Variants in SHROOM4 observed in about 807,000 individuals in gnomAD.
The protein encoded by SHROOM4 is protein Shroom4.
Under a neutral mutation model 80.3 loss-of-function variants are expected in SHROOM4, and 17 were observed. The ratio of observed to expected loss-of-function variants is 0.21; its 90% confidence interval spans 0.14 to 0.32. SHROOM4 has a LOEUF of 0.32. Ranked by LOEUF, SHROOM4 falls within the 10% of genes least tolerant of loss-of-function variation. The pLI, the probability that SHROOM4 is intolerant of heterozygous loss-of-function variation, is 1.00. For synonymous variants in SHROOM4, 400 were observed against 437.5 expected (o/e 0.91, Z 1.07); for missense variants, 993 against 1,140.3 (o/e 0.87, Z 1.86).
chrX:50,631,410 C>CA (rs1194550009), intron 4 of SHROOM4, among the ~76,000 whole-genome samples: 3 of 111,428 alleles, frequency 2.7e-5, no homozygotes, highest in Non-Finnish European at 3.8e-5. Flanking sequence ...AGGGCACCTA[C>CA]AAAAAAATCC....
At chrX:50,731,274 C>A (rs1357301800) in intron 1 of SHROOM4, among the ~76,000 whole-genome samples, 1 of 110,420 alleles carries the variant, frequency 9.1e-6, no homozygotes, top group Non-Finnish European at 1.9e-5. Context: ...AAACTGCCCC[C>A]TCTATCCCCT....
chrX:50,740,876 C>T (rs1277143064), intron 1 of SHROOM4, among the ~76,000 whole-genome samples: 1 of 111,673 alleles, frequency 9.0e-6, no homozygotes, highest in African/African-American at 3.3e-5. Context: ...AAAAGTGTTA[C>T]CCAGACCAGT....
At chrX:50,626,296 A>G (rs1164790012) in intron 5 of SHROOM4, among the ~76,000 whole-genome samples, 2 of 112,017 alleles carry the variant, frequency 1.8e-5, no homozygotes, top group African/African-American at 6.5e-5. Context: ...GAACTTAAAT[A>G]GTGTACAGTA....
intron 7 of SHROOM4, 77 bp downstream of exon 7, chrX:50,602,556 G>T: frequency 1.0e-6 from 1 of 996,717 alleles, no homozygotes; most frequent in Non-Finnish European, 1.4e-6. Flanking sequence ...GTTCTAGAGA[G>T]TGTAGAAGGC....
chrX:50,717,971 A>G (rs1250731362), intron 1 of SHROOM4, among the ~76,000 whole-genome samples: 1 of 111,692 alleles, frequency 9.0e-6, no homozygotes, highest in Non-Finnish European at 1.9e-5. Context: ...GAGGTCTGCA[A>G]GAAGACCAAG....
chrX:50,740,343 T>C (rs79730883), intron 1 of SHROOM4, among the ~76,000 whole-genome samples: 1 of 111,303 alleles, frequency 9.0e-6, no homozygotes, highest in East Asian at 2.8e-4. Context: ...AAAAAACTGT[T>C]ATGAGAGATA....
chrX:50,640,535 G>A (rs1931552012), intron 2 of SHROOM4, among the ~76,000 whole-genome samples: 4 of 110,626 alleles, frequency 3.6e-5, no homozygotes, highest in East Asian at 2.9e-4. Context: ...GAAGTCTGCC[G>A]GCCTGTCTGC....
intron 1 of SHROOM4, among the ~76,000 whole-genome samples, chrX:50,743,205 T>C (rs1359254021): frequency 9.2e-6 from 1 of 108,377 alleles, no homozygotes; most frequent in Non-Finnish European, 1.9e-5. Context: ...GATCCAGTCC[T>C]AGAACCAGCC....
intron 2 of SHROOM4, among the ~76,000 whole-genome samples, chrX:50,664,672 GT>G (rs1557260202): frequency 8.9e-6 from 1 of 111,751 alleles, no homozygotes; most frequent in African/African-American, 3.3e-5. Flanking sequence ...CATTTTGCAT[GT>G]TTTCTTTTAT....
chrX:50,608,709 G>A (rs782585868), intron 5 of SHROOM4, among the ~76,000 whole-genome samples: 2 of 111,739 alleles, frequency 1.8e-5, no homozygotes, highest in Non-Finnish European at 3.8e-5. Context: ...ATTTAGAAAT[G>A]TACAGAGATT....
At chrX:50,605,258 C>T (rs782173352) in intron 6 of SHROOM4, among the ~76,000 whole-genome samples, 1 of 111,731 alleles carries the variant, frequency 9.0e-6, no homozygotes, top group African/African-American at 3.3e-5. Flanking sequence ...TGAATGGTAA[C>T]TATTTCATAG....
rs1007643202 is a variant in SHROOM4 at position 50,616,813 on chromosome X, G to T, written c.2958-8629C>A. 3.6e-5 allele frequency among the ~76,000 whole-genome samples: 4 copies of T among 111,465 alleles called. No homozygotes were observed. The Admixed American group carries it at 3.8e-4, about 11-fold the overall frequency. On this transcript the variant is annotated intron_variant, in intron 5 of 8. Transcript: ENST00000376020. ...GGGTTGGGAGTGCTATGGTTTGGGGGCAGTTATTTGTTCCAATTAGGTTGG... is the reference window on the plus strand; with the variant it reads ...GGGTTGGGAGTGCTATGGTTTGGGGTCAGTTATTTGTTCCAATTAGGTTGG...
intron 1 of SHROOM4, among the ~76,000 whole-genome samples, chrX:50,700,681 T>G (rs782292271): frequency 1.8e-5 from 2 of 111,876 alleles, no homozygotes; most frequent in South Asian, 7.5e-4. Flanking sequence ...CTTGTCTCTT[T>G]CAGCAACTTC....
intron 1 of SHROOM4, among the ~76,000 whole-genome samples, chrX:50,810,184 C>T (rs1369689915): frequency 2.7e-5 from 3 of 110,467 alleles, no homozygotes; most frequent in Non-Finnish European, 3.8e-5. Context: ...ACTTGACTGT[C>T]GGGGGGTACT....
chrX:50,676,869 C>T (rs1932861331), intron 2 of SHROOM4, among the ~76,000 whole-genome samples: 1 of 111,518 alleles, frequency 9.0e-6, no homozygotes, highest in African/African-American at 3.2e-5. Context: ...CTCTTAATTC[C>T]AGCTTGAAAA....
intron 2 of SHROOM4, among the ~76,000 whole-genome samples, chrX:50,684,898 G>A (rs1460096329): frequency 8.9e-6 from 1 of 112,012 alleles, no homozygotes; most frequent in Non-Finnish European, 1.9e-5. Flanking sequence ...CATCTATACA[G>A]GGTCTTAAAT....
At chrX:50,782,708 A>G (rs1345788609) in intron 1 of SHROOM4, among the ~76,000 whole-genome samples, 11 of 112,324 alleles carry the variant, frequency 9.8e-5, no homozygotes, top group Admixed American at 9.4e-4. Context: ...AATATGCAAC[A>G]ATGTGGATGA....
chrX:50,627,838 T>A (rs1930871377), intron 4 of SHROOM4, among the ~76,000 whole-genome samples, 163 bp from the exon 5 acceptor site: 1 of 111,839 alleles, frequency 8.9e-6, no homozygotes, highest in Non-Finnish European at 1.9e-5. Context: ...GAGGGCTGCC[T>A]TTCTGTCGGC....
chrX:50,743,632 A>AT (rs1410255380), intron 1 of SHROOM4, among the ~76,000 whole-genome samples: 1 of 109,241 alleles, frequency 9.2e-6, no homozygotes, highest in African/African-American at 3.3e-5. Context: ...TAATTTTAAA[A>AT]TTTTTTGTAG....
Sources: gnomAD v4.1 joint callset for allele counts (sites outside exome capture counted in the v4.1 genomes callset) on GRCh38, gnomAD v4.1.1 for gene constraint, MANE v1.5 for transcripts, NCBI Gene and HGNC (gene_info 2026-07-23, HGNC 2026-07-21) for gene names.